FAM13C: variants seen among roughly 807,000 people sequenced by gnomAD.
FAM13C encodes the protein family with sequence similarity 13 member C.
A neutral mutation model predicts 73.2 loss-of-function variants in FAM13C; 37 were observed. The ratio of observed to expected loss-of-function variants is 0.51; its 90% CI spans 0.39 to 0.67. The LOEUF (loss-of-function observed/expected upper bound fraction) is 0.67, where lower values mean the gene tolerates loss of function less well. FAM13C is among the 30% of genes least tolerant of loss of function. FAM13C has a pLI of 0.00. For synonymous variants in FAM13C, 246 were observed against 260.9 expected (o/e 0.94, Z 0.55); for missense variants, 589 against 715.6 (o/e 0.82, Z 2.02).
chr10:59,271,091 T>C (rs1040755280), intron 6 of FAM13C, among the ~76,000 whole-genome samples: 14 of 152,266 alleles, frequency 9.2e-5, no homozygotes, highest in Middle Eastern at 6.8e-3. Flanking sequence ...CTAGGCTCTG[T>C]ACAGAGTTAT....
At chr10:59,294,645 C>G (rs1162451641) in intron 5 of FAM13C, among the ~76,000 whole-genome samples, 1 of 152,220 alleles carries the variant, frequency 6.6e-6, no homozygotes, top group Non-Finnish European at 1.5e-5. Context: ...ATAAAGCAGG[C>G]CTGGAAGCCA....
chr10:59,285,333 A>C (rs1267497226), intron 5 of FAM13C, among the ~76,000 whole-genome samples: 1 of 152,152 alleles, frequency 6.6e-6, no homozygotes, highest in African/African-American at 2.4e-5. Context: ...GAGCTGCTGA[A>C]GGAACAGGCA....
rs191620152 is a variant in FAM13C at position 59,296,303 on chromosome 10, C to T, written c.507+6498G>A. Among the ~76,000 whole-genome samples the T allele has an allele frequency of 3.0e-3, 451 of 152,302 alleles. 2 individuals are homozygous for T. The highest frequency in any genetic ancestry group is 4.1e-3 in the Non-Finnish European group (282 of 68,024). ...ACATGGAGATACACAGAGGCATAGA[C>T]ACATGCATACCGACTCAAAGAGGGA... On this transcript the variant is annotated intron_variant, in intron 5 of 13. Coordinates refer to ENST00000618804, the MANE Select transcript of FAM13C (RefSeq NM_198215.4).
intron 3 of FAM13C, among the ~76,000 whole-genome samples, chr10:59,337,804 C>G (rs371295214): frequency 6.6e-6 from 1 of 150,510 alleles, no homozygotes; most frequent in Non-Finnish European, 1.5e-5. Context: ...CTCGGCCTCC[C>G]GAGTAGCTGG....
intron 8 of FAM13C, among the ~76,000 whole-genome samples, chr10:59,265,356 G>C: frequency 7.9e-6 from 1 of 126,724 alleles, no homozygotes; most frequent in South Asian, 2.7e-4. Context: ...TCAGGACCAT[G>C]GACAGTGACA....
In FAM13C at chr10:59,321,432, C is replaced by CTT. The variant is rs1057110939; in HGVS notation, c.443+2554_443+2555dup. ...GAAAGGAATGGAGCCCTGCCAACAC[C>CTT]TTTTTTTTTTTTTTTTTTTTTTTTT... On this transcript the variant is annotated intron_variant, in intron 4 of 13. Coordinates refer to ENST00000618804, the MANE Select transcript of FAM13C (RefSeq NM_198215.4). Among the ~76,000 whole-genome samples the CTT allele has an allele frequency of 7.3e-3, 426 of 58,038 alleles. 13 individuals carry two copies. Among genetic ancestry groups the CTT allele is most frequent in the South Asian group, 0.03 (41 of 1,370 alleles). The allele number at this position is 58,038 out of a possible 152,430, so 38.1% of individuals were successfully genotyped here. A position where few individuals can be genotyped will look rare whatever the true frequency, so the allele number is the denominator to read the frequency against.
At chr10:59,315,904 T>C (rs1035054554) in intron 4 of FAM13C, among the ~76,000 whole-genome samples, 1 of 152,148 alleles carries the variant, frequency 6.6e-6, no homozygotes, top group African/African-American at 2.4e-5. Flanking sequence ...TCCTATCTTC[T>C]TCCATGATCG....
At chr10:59,306,369 T>C (rs1037864886) in intron 4 of FAM13C, among the ~76,000 whole-genome samples, 1 of 152,226 alleles carries the variant, frequency 6.6e-6, no homozygotes, top group Non-Finnish European at 1.5e-5. Flanking sequence ...AGAACTGTAG[T>C]CTAGAGCATC....
At chr10:59,323,913 G>A (rs1850710767) in intron 4 of FAM13C, 75 bp downstream of exon 4, 3 of 1,224,572 alleles carry the variant, frequency 2.4e-6, no homozygotes, top group African/African-American at 1.9e-5. Context: ...CCTCTTGTGT[G>A]GGAGTGGCAA....
intron 6 of FAM13C, among the ~76,000 whole-genome samples, chr10:59,271,560 G>A (rs968645907): frequency 6.6e-6 from 1 of 152,164 alleles, no homozygotes; most frequent in Non-Finnish European, 1.5e-5. Flanking sequence ...CCCAAGACAA[G>A]GTGTAATGGT....
chr10:59,360,837 C>A lies in FAM13C; in HGVS notation c.62+1562G>T, dbSNP rs992917601. ...GCACCAGGCTCTCCCCAGCATTTAA[C>A]CACGAAACCTCTACAGAAAAAAAAA... On this transcript the variant is annotated intron_variant, in intron 1 of 13. Transcript: ENST00000618804. Among the ~76,000 whole-genome samples, 3 of 139,190 alleles carry A rather than the reference C, an allele frequency of 2.2e-5. No homozygotes were observed. In the East Asian group the frequency reaches 6.3e-4, roughly 29 times the overall value. 91.3% of individuals were successfully genotyped at this position (139,190 alleles called of 152,430 possible). A position where few individuals can be genotyped will look rare whatever the true frequency, so the allele number is the denominator to read the frequency against.
At chr10:59,354,341 T>C (rs1855437094) in intron 2 of FAM13C, among the ~76,000 whole-genome samples, 1 of 152,202 alleles carries the variant, frequency 6.6e-6, no homozygotes, top group Non-Finnish European at 1.5e-5. Context: ...AAAAGTCATA[T>C]TTAGAAACAT....
At chr10:59,340,051 A>G (rs993983662) in intron 3 of FAM13C, among the ~76,000 whole-genome samples, 1 of 152,220 alleles carries the variant, frequency 6.6e-6, no homozygotes, top group Non-Finnish European at 1.5e-5. Context: ...ACCAACTTCG[A>G]AAGTATCTTA....
At chr10:59,256,256 G>T (rs2446723) in intron 10 of FAM13C, among the ~76,000 whole-genome samples, 1 of 152,210 alleles carries the variant, frequency 6.6e-6, no homozygotes, top group South Asian at 2.1e-4. Flanking sequence ...TTTAAATGTA[G>T]TATCTTACTG....
chr10:59,359,125 G>A (rs1276727068), intron 1 of FAM13C, among the ~76,000 whole-genome samples: 1 of 152,140 alleles, frequency 6.6e-6, no homozygotes, highest in Admixed American at 6.6e-5. Flanking sequence ...AAGTTGTGTG[G>A]TACTTCACAG....
chr10:59,306,212 T>C (rs1848230178), intron 4 of FAM13C, among the ~76,000 whole-genome samples: 1 of 152,190 alleles, frequency 6.6e-6, no homozygotes, highest in South Asian at 2.1e-4. Flanking sequence ...AGTAGCAAAC[T>C]TTCATGGAAG....
intron 5 of FAM13C, among the ~76,000 whole-genome samples, chr10:59,286,319 A>AGGCT (rs1484454300): frequency 1.3e-5 from 2 of 151,860 alleles, no homozygotes; most frequent in East Asian, 3.9e-4. Flanking sequence ...GGTTGAGACC[A>AGGCT]GGCTGGCTAA....
intron 1 of FAM13C, among the ~76,000 whole-genome samples, chr10:59,357,027 G>A (rs11006446): frequency 0.099 from 15,085 of 152,164 alleles, 1,114 homozygotes; most frequent in African/African-American, 0.21. Flanking sequence ...TTTGCCAGGG[G>A]CTCTTGTGCC....
chr10:59,316,765 G>A (rs188958468), intron 4 of FAM13C, among the ~76,000 whole-genome samples: 3 of 152,216 alleles, frequency 2.0e-5, no homozygotes, highest in Admixed American at 6.5e-5. Flanking sequence ...ATACATGTCC[G>A]TTGTTAACTG....
Sources: allele counts gnomAD v4.1 joint callset (sites outside exome capture counted in the v4.1 genomes callset), GRCh38; gene constraint gnomAD v4.1.1; transcripts MANE v1.5; gene names NCBI Gene and HGNC (gene_info 2026-07-23, HGNC 2026-07-21).